SLC22A16: variants seen among roughly 807,000 people sequenced by gnomAD.
SLC22A16 encodes the protein WUGSC:RG331P03.1.
A neutral mutation model predicts 52.9 loss-of-function variants in SLC22A16; 53 were observed. That is an observed-to-expected ratio of 1.00 (90% CI 0.80 to 1.26). SLC22A16 has a LOEUF of 1.26. Among genes scored for constraint, SLC22A16 ranks in the 50% most tolerant of loss-of-function variants. SLC22A16 has a pLI of 0.00. For missense variants in SLC22A16, 726 were observed against 704.0 expected (o/e 1.03, Z -0.35); for synonymous variants, 291 against 268.8 (o/e 1.08, Z -0.81).
In SLC22A16 at chr6:110,435,952, TATA is replaced by T. The variant is rs1774710906; in HGVS notation, c.1318_1320del (p.Tyr440del). The stretch of plus-strand genomic sequence containing the variant: ...ACCATAGCTGTCACCACACCCAAAA[TATA>T]ATGTTTCTGAAAAAAATTTAGCAGA... On this transcript the variant is annotated inframe_deletion, in exon 6 of 8. Coordinates refer to ENST00000368919, the MANE Select transcript of SLC22A16 (RefSeq NM_033125.4). 5 of 1,612,538 alleles carry T rather than the reference TATA, an allele frequency of 3.1e-6. No homozygotes were observed. In the East Asian group the frequency reaches 6.7e-5, roughly 22 times the overall value.
intron 1 of SLC22A16, among the ~76,000 whole-genome samples, chr6:110,469,742 T>C (rs935762746): frequency 7.0e-6 from 1 of 143,474 alleles, no homozygotes; most frequent in Non-Finnish European, 1.5e-5. Flanking sequence ...AGTTCATATG[T>C]ACTAATTTTT....
intron 4 of SLC22A16, 50 bp from the exon 5 acceptor site, chr6:110,438,897 A>G (rs992994766): frequency 2.5e-6 from 4 of 1,604,444 alleles, no homozygotes; most frequent in Non-Finnish European, 3.4e-6. Flanking sequence ...CGACTGCAAA[A>G]GGGGACCCCC....
At chr6:110,459,686 T>C (rs1201509154) in intron 1 of SLC22A16, among the ~76,000 whole-genome samples, 3 of 152,158 alleles carry the variant, frequency 2.0e-5, no homozygotes, top group African/African-American at 7.2e-5. Flanking sequence ...TTCTGACAAA[T>C]ATGGTAATGT....
intron 7 of SLC22A16, among the ~76,000 whole-genome samples, chr6:110,428,102 C>T (rs1276942413): frequency 6.6e-6 from 1 of 152,168 alleles, no homozygotes; most frequent in East Asian, 1.9e-4. Context: ...ATAACAAAAG[C>T]ATCAGAACGA....
At chr6:110,447,164 G>A (rs1239486368) in intron 2 of SLC22A16, among the ~76,000 whole-genome samples, 174 bp from the exon 3 acceptor site, 2 of 152,128 alleles carry the variant, frequency 1.3e-5, no homozygotes, top group Non-Finnish European at 2.9e-5. Context: ...TTCTTTAAAA[G>A]ACCAGCTGTT....
intron 1 of SLC22A16, among the ~76,000 whole-genome samples, 162 bp from the exon 2 acceptor site, chr6:110,457,179 C>T (rs1775695031): frequency 6.6e-6 from 1 of 152,078 alleles, no homozygotes; most frequent in African/African-American, 2.4e-5. Flanking sequence ...AGTATATATA[C>T]ATATATTACT....
At chr6:110,445,415 A>C (rs1220828037) in intron 3 of SLC22A16, among the ~76,000 whole-genome samples, 1 of 152,158 alleles carries the variant, frequency 6.6e-6, no homozygotes, top group Non-Finnish European at 1.5e-5. Flanking sequence ...ATTTTTGAAG[A>C]TGGCTGATCA....
chr6:110,476,225 C>A, intron 1 of SLC22A16: 1 of 355,346 alleles, frequency 2.8e-6, no homozygotes, highest in Non-Finnish European at 4.6e-6. Context: ...CAGCCAGATG[C>A]CTCCAGCATC....
At chr6:110,467,175 CCTCT>C (rs1255719626) in intron 1 of SLC22A16, among the ~76,000 whole-genome samples, 1 of 151,944 alleles carries the variant, frequency 6.6e-6, no homozygotes, top group Non-Finnish European at 1.5e-5. Flanking sequence ...CTCTCATACT[CCTCT>C]CTCTCTGCGT....
chr6:110,467,357 T>C (rs1776106280), intron 1 of SLC22A16, among the ~76,000 whole-genome samples: 1 of 152,212 alleles, frequency 6.6e-6, no homozygotes, highest in South Asian at 2.1e-4. Flanking sequence ...GAACACAATA[T>C]GCAGCTGAAG....
intron 7 of SLC22A16, among the ~76,000 whole-genome samples, chr6:110,427,063 G>T (rs1281185833): frequency 6.6e-6 from 1 of 151,370 alleles, no homozygotes; most frequent in African/African-American, 2.4e-5. Context: ...ACCAGCCTGG[G>T]CAATATGGTG....
At chr6:110,432,364 TA>T in intron 6 of SLC22A16, among the ~76,000 whole-genome samples, 1 of 152,308 alleles carries the variant, frequency 6.6e-6, no homozygotes, top group East Asian at 1.9e-4. Flanking sequence ...GAAAAGATCT[TA>T]AAAAATACTA....
intron 1 of SLC22A16, among the ~76,000 whole-genome samples, chr6:110,457,360 A>T (rs1179008392): frequency 6.6e-6 from 1 of 152,178 alleles, no homozygotes; most frequent in Non-Finnish European, 1.5e-5. Flanking sequence ...GGAATATCTT[A>T]CAATACCATA....
chr6:110,444,775 A>G (rs912250918), intron 3 of SLC22A16, among the ~76,000 whole-genome samples: 3 of 152,192 alleles, frequency 2.0e-5, no homozygotes. Context: ...GCAACTTTGT[A>G]ATGGCAAGAC....
intron 6 of SLC22A16, among the ~76,000 whole-genome samples, chr6:110,432,298 T>C (rs1443287718): frequency 6.6e-6 from 1 of 152,200 alleles, no homozygotes; most frequent in African/African-American, 2.4e-5. Context: ...ATTTACATAT[T>C]GGATTTTTTT....
intron 3 of SLC22A16, among the ~76,000 whole-genome samples, 179 bp from the exon 4 acceptor site, chr6:110,442,954 C>T (rs553508902): frequency 1.3e-5 from 2 of 152,182 alleles, no homozygotes; most frequent in East Asian, 1.9e-4. Flanking sequence ...CTTATAGGTC[C>T]TTTCATCTTC....
At position 110,424,964 on chromosome 6, in the gene SLC22A16, C is replaced by T. The variant is rs941093143; in HGVS notation, c.1643G>A (p.Ser548Asn). Residue 548 changes from serine (S) to asparagine (N), a missense_variant, in exon 8 of 8, where the codon AGC becomes AAC. By Grantham distance (46) the Ser-to-Asn change is conservative. Transcript: ENST00000368919. ...TGTGAGAAGTAATTTGCTTGACTTG[C>T]TTTCATTCTCTGACTCCAGTTTTGC... ...EAAKLESENESKSSKLLLTTN... is the reference protein window; with the variant it reads ...EAAKLESENENKSSKLLLTTN... 6 of 1,614,064 alleles carry T rather than the reference C, an allele frequency of 3.7e-6. No individual in the cohort carries two copies. The Admixed American group carries it at 5.0e-5, about 13-fold the overall frequency.
chr6:110,450,241 G>A (rs1775324568), intron 2 of SLC22A16, among the ~76,000 whole-genome samples: 1 of 152,256 alleles, frequency 6.6e-6, no homozygotes, highest in South Asian at 2.1e-4. Flanking sequence ...ATAATTAAAT[G>A]AGATGATATA....
Position 110,434,807 on chromosome 6 carries a change from G to A in SLC22A16, c.1421+1045C>T, listed in dbSNP as rs551624628. 7.0e-3 allele frequency among the ~76,000 whole-genome samples: 1,067 copies of A among 152,180 alleles called. 7 individuals carry two copies. The highest frequency in any genetic ancestry group is 0.011 in the Non-Finnish European group (743 of 67,996). On this transcript the variant is annotated intron_variant, in intron 6 of 7. Transcript: ENST00000368919. ...AGCCTGACCAACATGGTGAAACCCC[G>A]TCTCTACTAAAAATACAAAAATTAG...
Sources: allele counts gnomAD v4.1 joint callset (sites outside exome capture counted in the v4.1 genomes callset), GRCh38; gene constraint gnomAD v4.1.1; transcripts MANE v1.5; gene names NCBI Gene and HGNC (gene_info 2026-07-23, HGNC 2026-07-21).